PTPRN2: variants seen among roughly 807,000 people sequenced by gnomAD.
The protein encoded by PTPRN2 is receptor-type tyrosine-protein phosphatase N2.
PTPRN2 carries 74 observed loss-of-function variants against 118.8 expected under a neutral mutation model. The ratio of observed to expected loss-of-function variants is 0.62; its 90% CI spans 0.52 to 0.76. The LOEUF (loss-of-function observed/expected upper bound fraction) is 0.76. Among genes scored for constraint, PTPRN2 ranks in the 30% least tolerant of loss-of-function variants. PTPRN2 has a pLI of 0.00. For synonymous variants in PTPRN2, 641 were observed against 608.0 expected, an observed-to-expected ratio of 1.05 and a Z score of -0.80; for missense variants, 1,481 against 1,394.4, an observed-to-expected ratio of 1.06 and a Z score of -0.99.
intron 12 of PTPRN2, among the ~76,000 whole-genome samples, chr7:157,721,812 G>T (rs1454709136): frequency 1.3e-5 from 2 of 152,194 alleles, no homozygotes; most frequent in African/African-American, 2.4e-5. Flanking sequence ...GGGGCCTGGG[G>T]CTCCCGCTGG....
chr7:157,975,642 C>T (rs541754210), intron 11 of PTPRN2, among the ~76,000 whole-genome samples: 1 of 152,324 alleles, frequency 6.6e-6, no homozygotes, highest in African/African-American at 2.4e-5. Flanking sequence ...GAGGCCAGCC[C>T]TTGGTGCCAG....
chr7:157,641,244 G>C (rs62476811), intron 14 of PTPRN2, among the ~76,000 whole-genome samples: 1,713 of 152,262 alleles, frequency 0.011, 45 homozygotes, highest in Admixed American at 0.051. Flanking sequence ...ACTAGCCAAG[G>C]GGGAGAGAGG....
chr7:157,857,943 T>A (rs1286922893), intron 12 of PTPRN2: 1 of 154,802 alleles, frequency 6.5e-6, no homozygotes, highest in African/African-American at 2.4e-5. Flanking sequence ...AACAGACACG[T>A]ACTCAAAGAC....
At chr7:158,572,123 T>C (rs1169427424) in intron 1 of PTPRN2, among the ~76,000 whole-genome samples, 1 of 152,230 alleles carries the variant, frequency 6.6e-6, no homozygotes, top group African/African-American at 2.4e-5. Context: ...GGGCAGGGAC[T>C]CTGTCTTGCT....
At chr7:157,683,092 C>T (rs1196846955) in intron 12 of PTPRN2, among the ~76,000 whole-genome samples, 155 bp from the exon 13 acceptor site, 1 of 152,202 alleles carries the variant, frequency 6.6e-6, no homozygotes, top group African/African-American at 2.4e-5. Flanking sequence ...GCGGAACAAC[C>T]CCCGTCAAAG....
At chr7:157,841,485 A>G (rs1022144355) in intron 12 of PTPRN2, among the ~76,000 whole-genome samples, 2 of 152,062 alleles carry the variant, frequency 1.3e-5, no homozygotes, top group African/African-American at 4.8e-5. Context: ...GCAGGTGATG[A>G]TTTTGAAAAG....
chr7:157,655,081 T>C (rs1638026), intron 14 of PTPRN2, among the ~76,000 whole-genome samples: 57,466 of 152,178 alleles, frequency 0.38, 11,470 homozygotes, highest in Middle Eastern at 0.48. Flanking sequence ...CCACGAGCTG[T>C]CTGCTCCCGG....
intron 11 of PTPRN2, among the ~76,000 whole-genome samples, chr7:158,071,407 AGTTGCTCCTGGTGG>A (rs1811572995): frequency 2.3e-5 from 1 of 44,314 alleles, no homozygotes; most frequent in Non-Finnish European, 4.3e-5. Flanking sequence ...CTCGTGGTGG[AGTTGCTCCTGGTGG>A]TGGAGGTGCT....
intron 13 of PTPRN2, among the ~76,000 whole-genome samples, chr7:157,672,813 C>T (rs141239095): frequency 2.6e-4 from 40 of 152,324 alleles, no homozygotes; most frequent in Non-Finnish European, 5.4e-4. Flanking sequence ...TCCACAAACT[C>T]TGTAGTGAAT....
At chr7:158,418,027 A>G (rs1384280026) in intron 2 of PTPRN2, among the ~76,000 whole-genome samples, 2 of 136,780 alleles carry the variant, frequency 1.5e-5, no homozygotes, top group South Asian at 4.7e-4. Context: ...TCTAGCTCTC[A>G]GTGTCCCGCT....
At chr7:157,613,851 A>C (rs1041615699) in intron 15 of PTPRN2, among the ~76,000 whole-genome samples, 34 of 151,930 alleles carry the variant, frequency 2.2e-4, no homozygotes, top group Admixed American at 2.0e-4. Flanking sequence ...CGGCCCCCCC[A>C]CAGTGTGCCG....
intron 9 of PTPRN2, among the ~76,000 whole-genome samples, chr7:158,115,183 T>TAACAAC (rs558847835): frequency 4.6e-5 from 7 of 151,768 alleles, no homozygotes; most frequent in African/African-American, 1.4e-4. Flanking sequence ...ATATCCAAAA[T>TAACAAC]AACAACAACA....
At chr7:158,424,842 G>C (rs1238441810) in intron 2 of PTPRN2, among the ~76,000 whole-genome samples, 3 of 151,992 alleles carry the variant, frequency 2.0e-5, no homozygotes, top group African/African-American at 7.3e-5. Flanking sequence ...GGGGCCCAGG[G>C]GCATTAACCA....
chr7:157,771,804 A>G (rs544951950), intron 12 of PTPRN2, among the ~76,000 whole-genome samples: 4 of 136,828 alleles, frequency 2.9e-5, no homozygotes, highest in Admixed American at 7.4e-5. Flanking sequence ...CACAGACACA[A>G]ACACACAGAC....
At chr7:158,332,656 G>T (rs1163852952) in intron 2 of PTPRN2, among the ~76,000 whole-genome samples, 1 of 117,796 alleles carries the variant, frequency 8.5e-6, no homozygotes, top group Non-Finnish European at 1.7e-5. Context: ...AAGAGCTGAT[G>T]CCTGCAGACA....
intron 2 of PTPRN2, among the ~76,000 whole-genome samples, chr7:158,394,617 A>G (rs1274109893): frequency 1.3e-5 from 2 of 152,202 alleles, no homozygotes; most frequent in African/African-American, 2.4e-5. Flanking sequence ...CCAGGCGCAG[A>G]AAGTGTCAAG....
rs13241820 is a variant in PTPRN2, at chr7:157,944,041, T to C, written c.1724-45304A>G. Among the ~76,000 whole-genome samples the C allele has an allele frequency of 0.31, 47,427 of 152,166 alleles. 8,967 individuals are homozygous for C. The highest frequency in any genetic ancestry group is 0.44 in the Non-Finnish European group (29,761 of 67,992). ...TGTAAGGGTTTTAAACCAATGTTTCTAAGGGAGCACTGGGCTTCATTTGAC... is the reference window on the plus strand; with the variant it reads ...TGTAAGGGTTTTAAACCAATGTTTCCAAGGGAGCACTGGGCTTCATTTGAC... On this transcript the variant is annotated intron_variant, in intron 11 of 22. Coordinates refer to ENST00000389418, the MANE Select transcript of PTPRN2 (RefSeq NM_002847.5). This position sits in a 1 kb window ranked among gnomAD's most constrained non-coding sequence, Gnocchi z 4.3.
intron 3 of PTPRN2, among the ~76,000 whole-genome samples, chr7:158,251,486 C>G (rs757556626): frequency 7.4e-6 from 1 of 134,316 alleles, no homozygotes; most frequent in East Asian, 2.2e-4. Context: ...ATATGGTGCA[C>G]GTGTGGTGTG....
chr7:157,961,634 G>A (rs1801545680), intron 11 of PTPRN2, among the ~76,000 whole-genome samples: 1 of 152,200 alleles, frequency 6.6e-6, no homozygotes, highest in African/African-American at 2.4e-5. Flanking sequence ...CAGCATTAAA[G>A]CATCCATTTA....
Sources: gnomAD v4.1 joint callset for allele counts (sites outside exome capture counted in the v4.1 genomes callset) on GRCh38, gnomAD v4.1.1 for gene constraint, Gnocchi (gnomAD v3.1) non-coding constraint, MANE v1.5 for transcripts, NCBI Gene and HGNC (gene_info 2026-07-23, HGNC 2026-07-21) for gene names.